The following SLC9A9 variants were observed in gnomAD, a reference collection of about 807,000 sequenced individuals.
The protein encoded by SLC9A9 is sodium/hydrogen exchanger 9.
SLC9A9 carries 62 observed loss-of-function variants against 77.8 expected under a neutral mutation model. The ratio of observed to expected loss-of-function variants is 0.80; its 90% CI spans 0.65 to 0.98. The LOEUF (loss-of-function observed/expected upper bound fraction) is 0.98, where lower values mean the gene tolerates loss of function less well. SLC9A9 is among the 50% of genes least tolerant of loss of function. The pLI is 0.00. For missense variants in SLC9A9, 775 were observed against 774.9 expected, an observed-to-expected ratio of 1.00 and a Z score of 0.00; for synonymous variants, 320 against 283.5, an observed-to-expected ratio of 1.13 and a Z score of -1.29.
intron 3 of SLC9A9, among the ~76,000 whole-genome samples, chr3:143,796,259 G>A (rs2008382340): frequency 6.6e-6 from 1 of 152,156 alleles, no homozygotes; most frequent in Non-Finnish European, 1.5e-5. Context: ...AGCATCAACA[G>A]TAGTCTTGAG....
chr3:143,801,177 C>G (rs1167228007), intron 2 of SLC9A9, among the ~76,000 whole-genome samples: 1 of 152,162 alleles, frequency 6.6e-6, no homozygotes, highest in African/African-American at 2.4e-5. Context: ...CATCCCAACC[C>G]TTTTGGTTAC....
chr3:143,680,319 T>A (rs1933044816), intron 5 of SLC9A9, among the ~76,000 whole-genome samples: 1 of 152,048 alleles, frequency 6.6e-6, no homozygotes, highest in Non-Finnish European at 1.5e-5. Flanking sequence ...GAATGAAAAA[T>A]TTAGAAACTG....
intron 6 of SLC9A9, among the ~76,000 whole-genome samples, chr3:143,601,444 G>GTA (rs2037843496): frequency 6.6e-6 from 1 of 152,112 alleles, no homozygotes; most frequent in African/African-American, 2.4e-5. Context: ...TGTAGAATTT[G>GTA]GAATTGAAAT....
At chr3:143,437,315 G>T (rs528162414) in intron 12 of SLC9A9, among the ~76,000 whole-genome samples, 1 of 152,316 alleles carries the variant, frequency 6.6e-6, no homozygotes, top group South Asian at 2.1e-4. Context: ...TCCTTCCTCT[G>T]TTTGCTTGCA....
At chr3:143,652,626 C>T (rs1368887487) in intron 5 of SLC9A9, among the ~76,000 whole-genome samples, 1 of 152,080 alleles carries the variant, frequency 6.6e-6, no homozygotes, top group Non-Finnish European at 1.5e-5. Flanking sequence ...TCTCCCTCTG[C>T]CCCCTTTGCT....
intron 6 of SLC9A9, among the ~76,000 whole-genome samples, chr3:143,624,967 A>G (rs1177639297): frequency 1.3e-5 from 2 of 152,194 alleles, no homozygotes; most frequent in Admixed American, 6.5e-5. Flanking sequence ...TTATACACCA[A>G]TAACAGACAA....
intron 14 of SLC9A9, among the ~76,000 whole-genome samples, chr3:143,286,239 T>C (rs1330884964): frequency 6.6e-6 from 1 of 152,186 alleles, no homozygotes; most frequent in Admixed American, 6.5e-5. Flanking sequence ...AAGGAGGGTA[T>C]ATGTGTGCTC....
intron 9 of SLC9A9, among the ~76,000 whole-genome samples, chr3:143,498,002 C>A (rs114103486): frequency 6.6e-6 from 1 of 152,102 alleles, no homozygotes; most frequent in African/African-American, 2.4e-5. Context: ...GGAATCTTTG[C>A]GCTACATTTT....
intron 4 of SLC9A9, among the ~76,000 whole-genome samples, chr3:143,727,350 G>C (rs529322737): frequency 6.6e-6 from 1 of 152,064 alleles, no homozygotes; most frequent in South Asian, 2.1e-4. Flanking sequence ...TATAAATGGT[G>C]AATGAAGAAA....
At chr3:143,654,686 T>C (rs1362030115) in intron 5 of SLC9A9, among the ~76,000 whole-genome samples, 1 of 152,180 alleles carries the variant, frequency 6.6e-6, no homozygotes, top group Non-Finnish European at 1.5e-5. Flanking sequence ...CTCTCTATTG[T>C]TAACTTTAGA....
chr3:143,645,218 T>G (rs1314099437), intron 6 of SLC9A9, among the ~76,000 whole-genome samples: 9 of 152,170 alleles, frequency 5.9e-5, no homozygotes, highest in African/African-American at 2.2e-4. Context: ...ATTGCCTATG[T>G]GTTGTGAGGG....
chr3:143,464,712 C>T (rs1033084811), intron 12 of SLC9A9, among the ~76,000 whole-genome samples: 3 of 152,164 alleles, frequency 2.0e-5, no homozygotes, highest in Non-Finnish European at 4.4e-5. Context: ...GGTAGAAATA[C>T]AAATTCTCAG....
chr3:143,322,712 T>C (rs185959138), intron 14 of SLC9A9, among the ~76,000 whole-genome samples: 2 of 152,306 alleles, frequency 1.3e-5, no homozygotes, highest in Admixed American at 1.3e-4. Context: ...CTAGGAATAT[T>C]TCTGGTGTAT....
chr3:143,475,786 C>G (rs1185089260), intron 11 of SLC9A9, among the ~76,000 whole-genome samples: 1 of 71,090 alleles, frequency 1.4e-5, no homozygotes, highest in East Asian at 4.6e-4. Context: ...AGCGAGACTC[C>G]ATCTCAAAAA....
intron 12 of SLC9A9, among the ~76,000 whole-genome samples, chr3:143,392,691 G>GTA (rs1444046349): frequency 6.6e-6 from 1 of 152,220 alleles, no homozygotes; most frequent in Non-Finnish European, 1.5e-5. Flanking sequence ...TCAGTGTGCT[G>GTA]TATTCAGGAG....
intron 12 of SLC9A9, among the ~76,000 whole-genome samples, chr3:143,424,432 C>T (rs915417487): frequency 4.6e-5 from 7 of 151,998 alleles, no homozygotes; most frequent in African/African-American, 1.7e-4. Flanking sequence ...CGCCCACCAC[C>T]ACACCCGGCT....
At chr3:143,281,976 C>T (rs1938234369) in intron 14 of SLC9A9, among the ~76,000 whole-genome samples, 1 of 152,180 alleles carries the variant, frequency 6.6e-6, no homozygotes, top group South Asian at 2.1e-4. Context: ...ACTTATGTTT[C>T]ACTATCTCTC....
At chr3:143,758,762 G>A (rs1013625958) in intron 4 of SLC9A9, among the ~76,000 whole-genome samples, 2 of 152,064 alleles carry the variant, frequency 1.3e-5, no homozygotes, top group African/African-American at 2.4e-5. Context: ...GAACGTGAGG[G>A]AGAAAGAGTC....
chr3:143,607,792 T>C (rs1384175804), intron 6 of SLC9A9, among the ~76,000 whole-genome samples: 1 of 151,646 alleles, frequency 6.6e-6, no homozygotes, highest in Non-Finnish European at 1.5e-5. Flanking sequence ...GTATGAGATA[T>C]ATTTATATAT....
Sources: gnomAD v4.1 joint callset for allele counts (sites outside exome capture counted in the v4.1 genomes callset) on GRCh38, gnomAD v4.1.1 for gene constraint, MANE v1.5 for transcripts, NCBI Gene and HGNC (gene_info 2026-07-23, HGNC 2026-07-21) for gene names.